PFKM: variants seen among roughly 807,000 people sequenced by gnomAD.
PFKM encodes the protein ATP-dependent 6-phosphofructokinase, muscle type.
Under a neutral mutation model 95.5 loss-of-function variants are expected in PFKM, and 58 were observed. That is an observed-to-expected ratio of 0.61 (90% CI 0.49 to 0.76). PFKM has a LOEUF of 0.76. Ranked by LOEUF, PFKM falls within the 30% of genes least tolerant of loss-of-function variation. PFKM has a pLI of 0.00. For missense variants in PFKM, 678 were observed against 1,005.4 expected, an observed-to-expected ratio of 0.67 and a Z score of 4.40; for synonymous variants, 336 against 357.2, an observed-to-expected ratio of 0.94 and a Z score of 0.67.
chr12:48,117,872 C>T (rs1230777074), upstream of PFKM, among the ~76,000 whole-genome samples: 1 of 152,122 alleles, frequency 6.6e-6, no homozygotes, highest in East Asian at 1.9e-4. Context: ...GATGTACATT[C>T]ATTTAGTCCA....
At chr12:48,142,448 G>A (rs1047749720) in intron 17 of PFKM, 11 of 435,412 alleles carry the variant, frequency 2.5e-5, no homozygotes, top group African/African-American at 1.8e-4. Flanking sequence ...ACTCCAGCCT[G>A]GGTGACAAAG....
chr12:48,110,805 C>G (rs1305716715), intron 3 of PFKM, among the ~76,000 whole-genome samples: 2 of 152,200 alleles, frequency 1.3e-5, no homozygotes, highest in Non-Finnish European at 2.9e-5. Flanking sequence ...ATAAGCAGCT[C>G]TGCCTGTACT....
chr12:48,130,400 T>C lies in PFKM; in HGVS notation c.123T>C (p.Gly41=), dbSNP rs756442663. The C allele has an allele frequency of 1.2e-6, 2 of 1,613,842 alleles. No individual in the cohort carries two copies. The highest frequency in any genetic ancestry group is 2.7e-5 in the African/African-American group (2 of 74,942). Residue 41 remains glycine (G), a synonymous_variant, in exon 3 of 23, where the codon GGT becomes GGC. Coordinates refer to ENST00000359794, the MANE Select transcript of PFKM (RefSeq NM_000289.6). The stretch of plus-strand genomic sequence containing the variant: ...CTGTCAGGGCTGTGGTTCGAGTTGG[T>C]ATCTTCACCGGTGCCCGTGTCTTCT... ...NAAVRAVVRV[G]IFTGARVFFV...
At chr12:48,125,226 C>G (rs1948706527) in intron 2 of PFKM, 3 of 388,510 alleles carry the variant, frequency 7.7e-6, no homozygotes, top group South Asian at 3.8e-5. Context: ...ATATTCTACC[C>G]CTGGAAAGGA....
At chr12:48,130,520 C>G in intron 3 of PFKM, 84 bp downstream of exon 3, 1 of 1,000,010 alleles carries the variant, frequency 1.0e-6, no homozygotes, top group Non-Finnish European at 1.6e-6. Flanking sequence ...ATTCTGTGTC[C>G]TTACCTCCCA....
Position 48,146,369 on chromosome 12 carries a change from G to A in PFKM, c.*661G>A, listed in dbSNP as rs559151269. 1 of 153,256 alleles carries A rather than the reference G, an allele frequency of 6.5e-6. No individual in the cohort carries two copies. Among genetic ancestry groups the A allele is most frequent in the African/African-American group, 2.4e-5 (1 of 41,570 alleles). The allele number at this position is 153,256 out of a possible 1,614,324, so 9.5% of individuals were successfully genotyped here. A position where few individuals can be genotyped will look rare whatever the true frequency, so the allele number is the denominator to read the frequency against. On this transcript the variant is annotated 3_prime_UTR_variant, in exon 23 of 23. Coordinates refer to ENST00000359794, the MANE Select transcript of PFKM (RefSeq NM_000289.6). ...AATACTCTTTGCACAGTTCTTTAGT[G>A]GGAAGAGAAATTAACAATAAATATC...
upstream of PFKM, chr12:48,105,873 GTCCCAGGGGGCGGGGCAGAGGAAAA>G (rs1946520765): frequency 1.3e-5 from 8 of 607,084 alleles, no homozygotes; most frequent in Non-Finnish European, 1.2e-5. Context: ...AGGGGAGGTG[GTCCCAGGGGGCGGGGCAGAGGAAAA>G]GGCGCCGGCC....
chr12:48,124,678 T>C (rs1274248363), intron 2 of PFKM, among the ~76,000 whole-genome samples: 1 of 152,158 alleles, frequency 6.6e-6, no homozygotes, highest in Non-Finnish European at 1.5e-5. Flanking sequence ...GATAAGCTGA[T>C]TTCTGAAGGA....
Position 48,142,924 on chromosome 12 carries a change from C to G in PFKM, c.1796C>G (p.Pro599Arg). Residue 599 changes from proline (P) to arginine (R), a missense_variant, in exon 18 of 23, where the codon CCC becomes CGC. Coordinates refer to ENST00000359794, the MANE Select transcript of PFKM (RefSeq NM_000289.6). ...GATGCTGCCTACATTTTTGAGGAGCCCTTCACCATTCGAGACCTGCAGGTA... is the reference window on the plus strand; with the variant it reads ...GATGCTGCCTACATTTTTGAGGAGCGCTTCACCATTCGAGACCTGCAGGTA... ...GADAAYIFEEPFTIRDLQANV... is the reference protein window; with the variant it reads ...GADAAYIFEERFTIRDLQANV... 1.9e-6 allele frequency: 3 copies of G among 1,613,998 alleles called. No individual in the cohort carries two copies. Among genetic ancestry groups the G allele is most frequent in the Admixed American group, 1.7e-5 (1 of 60,020 alleles).
exon 1 of PFKM, chr12:48,106,028 C>A: frequency 4.3e-6 from 3 of 701,564 alleles, no homozygotes; most frequent in Non-Finnish European, 7.8e-6. Context: ...CGCCACTCAC[C>A]GAACCGGAAC....
chr12:48,125,180 C>T (rs781072448), intron 2 of PFKM: 11 of 278,938 alleles, frequency 3.9e-5, no homozygotes, highest in Admixed American at 1.4e-4. Flanking sequence ...GCTTCAGCCG[C>T]CAAAACTATG....
intron 3 of PFKM, among the ~76,000 whole-genome samples, chr12:48,110,064 G>A (rs187203002): frequency 1.3e-5 from 2 of 152,250 alleles, no homozygotes; most frequent in African/African-American, 4.8e-5. Context: ...GTGCAATGAA[G>A]GAAAATAACT....
chr12:48,112,259 T>A (rs906922530), intron 3 of PFKM, among the ~76,000 whole-genome samples: 5 of 152,188 alleles, frequency 3.3e-5, no homozygotes, highest in Admixed American at 2.0e-4. Flanking sequence ...TTTGTGAGTT[T>A]ATATAATGGT....
upstream of PFKM, among the ~76,000 whole-genome samples, chr12:48,118,293 A>G (rs1198806879): frequency 6.6e-6 from 1 of 152,206 alleles, no homozygotes; most frequent in African/African-American, 2.4e-5. Context: ...AATGAGTTGC[A>G]AATGAGTTCT....
upstream of PFKM, among the ~76,000 whole-genome samples, chr12:48,115,057 C>T (rs1476113703): frequency 6.6e-6 from 1 of 152,122 alleles, no homozygotes; most frequent in African/African-American, 2.4e-5. Flanking sequence ...CTCTGGGCTG[C>T]AATGTGGGTG....
intron 2 of PFKM, 94 bp downstream of exon 2, chr12:48,122,953 C>A: frequency 1.5e-6 from 2 of 1,299,606 alleles, no homozygotes; most frequent in Non-Finnish European, 2.2e-6. Flanking sequence ...TCTGTAGGTT[C>A]ACGGGAATTT....
At position 48,130,452 on chromosome 12, in the gene PFKM, T is replaced by C. The variant is rs1283594920; in HGVS notation, c.159+16T>C. On this transcript the variant is annotated intron_variant, in intron 3 of 22. Transcript: ENST00000359794. The stretch of plus-strand genomic sequence containing the variant: ...TGTCCATGAGGTTGGTTCTGTACTT[T>C]GTTCTTCATCATTCTTTCTCTGTCT... The C allele has an allele frequency of 1.3e-6, 2 of 1,583,382 alleles. No individual in the cohort carries two copies. The highest frequency in any genetic ancestry group is 2.2e-5 in the South Asian group (2 of 90,514).
Position 48,120,367 on chromosome 12 carries a change from G to A in PFKM, c.-9+961G>A, listed in dbSNP as rs554181000. Among the ~76,000 whole-genome samples the A allele has an allele frequency of 4.6e-5, 7 of 152,186 alleles. No individual in the cohort carries two copies. The East Asian group carries it at 7.7e-4, about 17-fold the overall frequency. On this transcript the variant is annotated intron_variant, in intron 1 of 22. Coordinates refer to ENST00000359794, the MANE Select transcript of PFKM (RefSeq NM_000289.6). ...TCATGTAGTTCATCAGTTCATTAAC[G>A]TTTTCAACAAGTATTTATTGGGGTC...
At chr12:48,133,249 G>C in intron 5 of PFKM, 66 bp from the exon 6 acceptor site, 2 of 1,428,736 alleles carry the variant, frequency 1.4e-6, no homozygotes, top group Non-Finnish European at 2.0e-6. Flanking sequence ...TCTCTCTCTA[G>C]ATATCTCCTC....
Sources: allele counts gnomAD v4.1 joint callset (sites outside exome capture counted in the v4.1 genomes callset), GRCh38; gene constraint gnomAD v4.1.1; transcripts MANE v1.5; gene names NCBI Gene and HGNC (gene_info 2026-07-23, HGNC 2026-07-21).